RAB31: variants seen among roughly 807,000 people sequenced by gnomAD.
RAB31 encodes RAB31, member RAS oncogene family.
In RAB31, 21 loss-of-function variants were observed where a neutral mutation model predicts 25.6. The observed-to-expected ratio is 0.82, with a 90% CI of 0.58 to 1.18. The LOEUF (loss-of-function observed/expected upper bound fraction) is 1.18. Ranked by LOEUF, RAB31 falls within the 50% of genes most tolerant of loss-of-function variation. The probability of loss-of-function intolerance (pLI) is 0.00; values close to 1 mark genes in which losing one functional copy is unlikely to be tolerated. For synonymous variants in RAB31, 87 were observed against 84.0 expected (o/e 1.04, Z -0.20); for missense variants, 196 against 250.1 (o/e 0.78, Z 1.46).
chr18:9,796,917 T>C (rs1444777460), intron 3 of RAB31, among the ~76,000 whole-genome samples: 1 of 152,168 alleles, frequency 6.6e-6, no homozygotes, highest in African/African-American at 2.4e-5. Flanking sequence ...TAATTAAAGT[T>C]ATATTAAATA....
chr18:9,854,768 G>C (rs560888845), intron 6 of RAB31, among the ~76,000 whole-genome samples: 1 of 152,298 alleles, frequency 6.6e-6, no homozygotes, highest in East Asian at 1.9e-4. Flanking sequence ...CCATGATCGT[G>C]AGTCATTGCT....
intron 6 of RAB31, among the ~76,000 whole-genome samples, chr18:9,855,617 C>G (rs547835): frequency 0.57 from 86,455 of 151,858 alleles, 24,555 homozygotes; most frequent in South Asian, 0.67. Context: ...TTGCGTTCGG[C>G]GTTTGCTTTC....
chr18:9,860,780 A>G lies in RAB31; in HGVS notation c.*1455A>G, dbSNP rs1307200697. On this transcript the variant is annotated 3_prime_UTR_variant, in exon 7 of 7. Coordinates refer to ENST00000578921, the MANE Select transcript of RAB31 (RefSeq NM_006868.4). ...GACGGCTAACCTTTATTGACAATCT[A>G]TATCGCAAAAGTCAGGAAAGAGGTT... 6.6e-6 allele frequency: 1 copy of G among 152,188 alleles called. No individual in the cohort carries two copies. Among genetic ancestry groups the G allele is most frequent in the Non-Finnish European group, 1.5e-5 (1 of 68,044 alleles). The allele number at this position is 152,188 out of a possible 1,614,324, so 9.4% of individuals were successfully genotyped here. A position where few individuals can be genotyped will look rare whatever the true frequency, so the allele number is the denominator to read the frequency against.
intron 1 of RAB31, among the ~76,000 whole-genome samples, chr18:9,769,948 A>C (rs1427576190): frequency 6.6e-6 from 1 of 152,144 alleles, no homozygotes; most frequent in African/African-American, 2.4e-5. Flanking sequence ...TAATCATGTC[A>C]TGTAGTTTTT....
chr18:9,799,434 T>C (rs532868279), intron 3 of RAB31, among the ~76,000 whole-genome samples: 1 of 152,360 alleles, frequency 6.6e-6, no homozygotes, highest in East Asian at 1.9e-4. Context: ...TTTCTTCTCC[T>C]GAGCACAGGA....
At chr18:9,716,150 C>T (rs922242236) in intron 1 of RAB31, among the ~76,000 whole-genome samples, 5 of 152,114 alleles carry the variant, frequency 3.3e-5, no homozygotes, top group Non-Finnish European at 7.3e-5. Flanking sequence ...AAAACAGTTC[C>T]CCTTCTTTTT....
chr18:9,711,427 C>A (rs2145450897), intron 1 of RAB31, among the ~76,000 whole-genome samples: 1 of 152,204 alleles, frequency 6.6e-6, no homozygotes, highest in East Asian at 1.9e-4. Context: ...GGCTGGAGTG[C>A]AATGGTGCCA....
intron 1 of RAB31, among the ~76,000 whole-genome samples, chr18:9,767,183 A>C (rs1436029809): frequency 6.6e-6 from 1 of 152,230 alleles, no homozygotes; most frequent in Non-Finnish European, 1.5e-5. Flanking sequence ...ATTATAGGCA[A>C]ATCATATTCT....
At chr18:9,747,242 A>T (rs2068210449) in intron 1 of RAB31, among the ~76,000 whole-genome samples, 1 of 152,178 alleles carries the variant, frequency 6.6e-6, no homozygotes, top group Admixed American at 6.5e-5. Context: ...ATGGCTATTT[A>T]AAAAAATGTT....
chr18:9,819,373 T>C (rs1274656690), intron 5 of RAB31, among the ~76,000 whole-genome samples: 1 of 152,158 alleles, frequency 6.6e-6, no homozygotes, highest in Non-Finnish European at 1.5e-5. Context: ...CCAAAAGCAG[T>C]CAACCATAAA....
At chr18:9,785,472 A>G (rs1225668102) in intron 2 of RAB31, among the ~76,000 whole-genome samples, 1 of 152,172 alleles carries the variant, frequency 6.6e-6, no homozygotes. Context: ...TCATATTTGC[A>G]TATATATAGG....
intron 2 of RAB31, among the ~76,000 whole-genome samples, chr18:9,782,451 C>T (rs8096775): frequency 0.51 from 77,567 of 152,090 alleles, 19,892 homozygotes; most frequent in Middle Eastern, 0.56. Flanking sequence ...AAAGAGTTAA[C>T]TCTTATGGCC....
At chr18:9,849,044 C>T (rs2068775604) in intron 6 of RAB31, among the ~76,000 whole-genome samples, 1 of 152,134 alleles carries the variant, frequency 6.6e-6, no homozygotes, top group Non-Finnish European at 1.5e-5. Flanking sequence ...CCTCCAGGCA[C>T]CCTTTTCTAA....
intron 6 of RAB31, among the ~76,000 whole-genome samples, chr18:9,853,274 T>G (rs1194221494): frequency 1.3e-5 from 2 of 152,178 alleles, no homozygotes; most frequent in Non-Finnish European, 2.9e-5. Context: ...TTTGTGCTTT[T>G]TCTGTCTTAT....
intron 5 of RAB31, among the ~76,000 whole-genome samples, chr18:9,833,202 C>G (rs1481045855): frequency 2.0e-5 from 3 of 152,236 alleles, no homozygotes; most frequent in Non-Finnish European, 4.4e-5. Context: ...GCTGCTGTAT[C>G]CACTGAGACA....
chr18:9,768,160 A>G (rs1457873690), intron 1 of RAB31, among the ~76,000 whole-genome samples: 1 of 152,220 alleles, frequency 6.6e-6, no homozygotes, highest in Non-Finnish European at 1.5e-5. Flanking sequence ...TGCTGCAATA[A>G]ACATACGTGT....
Position 9,831,052 on chromosome 18 carries a change from T to G in RAB31, c.381-14530T>G, listed in dbSNP as rs1276226335. On this transcript the variant is annotated intron_variant, in intron 5 of 6. Coordinates refer to ENST00000578921, the MANE Select transcript of RAB31 (RefSeq NM_006868.4). ...TTCCATCGGCTGACTTAGCCATCCT[T>G]AAATCAACACTGCACTAACTTAATT... Among the ~76,000 whole-genome samples the G allele has an allele frequency of 2.0e-5, 3 of 152,216 alleles. No individual in the cohort carries two copies. The East Asian group carries it at 5.8e-4, about 29-fold the overall frequency.
At chr18:9,805,638 T>C (rs967193243) in intron 3 of RAB31, among the ~76,000 whole-genome samples, 7 of 152,192 alleles carry the variant, frequency 4.6e-5, no homozygotes, top group Non-Finnish European at 5.9e-5. Flanking sequence ...ATGGACCTCT[T>C]TGGGGGACAC....
chr18:9,797,869 A>G (rs1018273618), intron 3 of RAB31, among the ~76,000 whole-genome samples: 8 of 152,226 alleles, frequency 5.3e-5, no homozygotes, highest in African/African-American at 2.4e-5. Flanking sequence ...CTAACAGGCT[A>G]TTCAAGGAAT....
Sources: gnomAD v4.1 joint callset for allele counts (sites outside exome capture counted in the v4.1 genomes callset) on GRCh38, gnomAD v4.1.1 for gene constraint, MANE v1.5 for transcripts, NCBI Gene and HGNC (gene_info 2026-07-23, HGNC 2026-07-21) for gene names.